Variants in PCDH15 observed in about 807,000 individuals in gnomAD.
PCDH15 encodes the protein protocadherin related 15.
A neutral mutation model predicts 178.5 loss-of-function variants in PCDH15; 129 were observed. The observed-to-expected ratio is 0.72, with a 90% confidence interval of 0.63 to 0.84. The LOEUF is 0.84. Ranked by LOEUF, PCDH15 falls within the 40% of genes least tolerant of loss-of-function variation. The pLI is 0.00. For missense variants in PCDH15, 2,230 were observed against 2,099.9 expected (o/e 1.06, Z -1.21); for synonymous variants, 800 against 732.0 (o/e 1.09, Z -1.50).
chr10:54,823,446 T>A (rs1953080456), intron 3 of PCDH15, among the ~76,000 whole-genome samples: 1 of 152,138 alleles, frequency 6.6e-6, no homozygotes, highest in South Asian at 2.1e-4. Flanking sequence ...ACTGGTAACA[T>A]TCCAACACTG....
chr10:54,700,085 G>A (rs1461283960), intron 1 of PCDH15, among the ~76,000 whole-genome samples: 1 of 152,078 alleles, frequency 6.6e-6, no homozygotes, highest in African/African-American at 2.4e-5. Flanking sequence ...GTTACTGCAA[G>A]CAGGCCTGGA....
intron 3 of PCDH15, among the ~76,000 whole-genome samples, chr10:54,431,056 C>G (rs543131380): frequency 6.6e-6 from 1 of 151,728 alleles, no homozygotes; most frequent in Non-Finnish European, 1.5e-5. Context: ...CCAGAATAGA[C>G]GCAAGAAGAA....
At chr10:55,320,417 A>G (rs1843859338), upstream of PCDH15, among the ~76,000 whole-genome samples, 1 of 150,556 alleles carries the variant, frequency 6.6e-6, no homozygotes, top group South Asian at 2.1e-4. Flanking sequence ...CAGTACTGCT[A>G]TGCCTGCCAG....
intron 2 of PCDH15, among the ~76,000 whole-genome samples, chr10:55,039,585 G>T (rs114486722): frequency 0.011 from 1,744 of 152,102 alleles, 31 homozygotes; most frequent in African/African-American, 0.04. Flanking sequence ...CTATGATTAA[G>T]ACAAATTCTG....
intron 27 of PCDH15, among the ~76,000 whole-genome samples, chr10:53,859,056 T>C (rs937493277): frequency 1.2e-4 from 17 of 142,728 alleles, no homozygotes; most frequent in Admixed American, 6.9e-5. Context: ...TCTTTTAACA[T>C]TGGGCCAGAA....
chr10:53,932,026 C>T (rs1157652059), intron 25 of PCDH15, among the ~76,000 whole-genome samples: 1 of 152,182 alleles, frequency 6.6e-6, no homozygotes, highest in East Asian at 1.9e-4. Context: ...GAAGTTCCTA[C>T]TTCAATATTA....
At chr10:54,039,840 A>T (rs1420635954) in intron 18 of PCDH15, among the ~76,000 whole-genome samples, 1 of 151,876 alleles carries the variant, frequency 6.6e-6, no homozygotes, top group African/African-American at 2.4e-5. Context: ...TACTCCATCT[A>T]TTGCCATCAG....
At chr10:55,019,984 A>G (rs1173005701) in intron 2 of PCDH15, among the ~76,000 whole-genome samples, 1 of 151,848 alleles carries the variant, frequency 6.6e-6, no homozygotes. Context: ...TAACAGAAAG[A>G]AGTCACAAAA....
chr10:54,462,512 C>CTTTTT (rs562731025), intron 3 of PCDH15, among the ~76,000 whole-genome samples: 430 of 66,886 alleles, frequency 6.4e-3, no homozygotes, highest in East Asian at 0.013. Flanking sequence ...TTTTTCTTTT[C>CTTTTT]TTTTTTTTTT....
At chr10:53,937,234 A>G (rs1589514259) in intron 25 of PCDH15, among the ~76,000 whole-genome samples, 2 of 152,196 alleles carry the variant, frequency 1.3e-5, no homozygotes, top group East Asian at 1.9e-4. Context: ...ATGCACCTCT[A>G]TTCATAAAAA....
At chr10:54,384,783 T>C (rs1455703878) in intron 3 of PCDH15, among the ~76,000 whole-genome samples, 1 of 152,152 alleles carries the variant, frequency 6.6e-6, no homozygotes, top group Non-Finnish European at 1.5e-5. Flanking sequence ...ATATTTACGT[T>C]ATATTTATGG....
chr10:54,703,038 T>A (rs2095327314), intron 1 of PCDH15, among the ~76,000 whole-genome samples: 1 of 152,110 alleles, frequency 6.6e-6, no homozygotes, highest in Admixed American at 6.6e-5. Flanking sequence ...CATGATCAAG[T>A]AGGCTTTATC....
intron 1 of PCDH15, among the ~76,000 whole-genome samples, chr10:54,725,516 T>C (rs952270989): frequency 7.5e-6 from 1 of 133,456 alleles, no homozygotes; most frequent in African/African-American, 2.6e-5. Flanking sequence ...ATCTCTACAA[T>C]TGTTTATGTT....
intron 25 of PCDH15, among the ~76,000 whole-genome samples, chr10:53,927,414 A>G (rs1263320370): frequency 6.6e-6 from 1 of 152,142 alleles, no homozygotes; most frequent in Non-Finnish European, 1.5e-5. Flanking sequence ...TGTTCTTGCA[A>G]ATCTGATACA....
At chr10:54,423,037 T>A (rs1214164994) in intron 3 of PCDH15, among the ~76,000 whole-genome samples, 1 of 152,170 alleles carries the variant, frequency 6.6e-6, no homozygotes, top group Non-Finnish European at 1.5e-5. Context: ...CACAGCTAGA[T>A]ACAGCCAGTT....
chr10:54,231,904 G>A (rs2054116064), intron 9 of PCDH15, among the ~76,000 whole-genome samples: 1 of 152,174 alleles, frequency 6.6e-6, no homozygotes, highest in Non-Finnish European at 1.5e-5. Flanking sequence ...TATCTTGTAA[G>A]TTTTTTCAGG....
rs115813220 is a variant in PCDH15, at chr10:54,397,434, A to C, written c.158-18492T>G. 4.9e-3 allele frequency among the ~76,000 whole-genome samples: 740 copies of C among 152,126 alleles called. 8 individuals carry two copies. Among genetic ancestry groups the C allele is most frequent in the African/African-American group, 0.017 (687 of 41,552 alleles). ...TGCTTTTCCACTAAAATTTTCTTGC[A>C]TTGTGTTTCAAAAGAACTGAGTTCA... On this transcript the variant is annotated intron_variant, in intron 3 of 37. Coordinates refer to ENST00000644397, the MANE Select transcript of PCDH15 (RefSeq NM_001384140.1).
At chr10:54,752,884 C>A (rs945526) in intron 1 of PCDH15, among the ~76,000 whole-genome samples, 76,082 of 151,730 alleles carry the variant, frequency 0.5, 19,643 homozygotes, top group Middle Eastern at 0.68. Flanking sequence ...AAAATTCAGA[C>A]AGTCTTATAG....
At chr10:54,606,939 A>G (rs890642789) in intron 2 of PCDH15, 2 of 152,098 alleles carry the variant, frequency 1.3e-5, no homozygotes, top group Non-Finnish European at 2.9e-5. Context: ...ACTATTCTAA[A>G]GCTTTTAATG....
Sources: allele counts gnomAD v4.1 joint callset (sites outside exome capture counted in the v4.1 genomes callset), GRCh38; gene constraint gnomAD v4.1.1; transcripts MANE v1.5; gene names NCBI Gene and HGNC (gene_info 2026-07-23, HGNC 2026-07-21).